Variants in MRTFB observed in about 807,000 individuals in gnomAD.
The protein encoded by MRTFB is myocardin related transcription factor B.
Under a neutral mutation model 104.2 loss-of-function variants are expected in MRTFB, and 29 were observed. That is an observed-to-expected ratio of 0.28 (90% CI 0.21 to 0.38). The LOEUF (loss-of-function observed/expected upper bound fraction) is 0.38, where lower values mean the gene tolerates loss of function less well. Among genes scored for constraint, MRTFB ranks in the 10% least tolerant of loss-of-function variants. The pLI is 1.00. For missense variants in MRTFB, 1,270 were observed against 1,341.6 expected (o/e 0.95, Z 0.83); for synonymous variants, 535 against 519.5 (o/e 1.03, Z -0.41).
intron 3 of MRTFB, among the ~76,000 whole-genome samples, chr16:14,163,929 A>C (rs1443194508): frequency 6.6e-6 from 1 of 152,020 alleles, no homozygotes; most frequent in Non-Finnish European, 1.5e-5. Flanking sequence ...TTTTTGATAC[A>C]TAATACTTGT....
chr16:14,033,339 A>G, the MRTFB span, among the ~76,000 whole-genome samples: 10 of 151,630 alleles, frequency 6.6e-5, no homozygotes, highest in Non-Finnish European at 1.5e-4. Flanking sequence ...AGAAGCCAGG[A>G]GTTCAAGACC....
intron 2 of MRTFB, among the ~76,000 whole-genome samples, chr16:14,123,710 C>T (rs1325184031): frequency 1.3e-5 from 2 of 152,092 alleles, no homozygotes; most frequent in East Asian, 3.8e-4. Flanking sequence ...GTGATGCCTC[C>T]AGCTTTGTTC....
intron 2 of MRTFB, among the ~76,000 whole-genome samples, chr16:14,084,187 A>G (rs910053801): frequency 4.6e-5 from 7 of 152,308 alleles, no homozygotes; most frequent in African/African-American, 1.4e-4. Context: ...AAATACTGAA[A>G]GTTTTCCTCC....
chr16:14,224,032 TAC>T (rs919721421), intron 8 of MRTFB, among the ~76,000 whole-genome samples: 2 of 152,142 alleles, frequency 1.3e-5, no homozygotes, highest in African/African-American at 4.8e-5. Flanking sequence ...TCATGAAACT[TAC>T]AGTCACAGTA....
At chr16:14,214,806 T>C (rs226790) in intron 6 of MRTFB, 143,585 of 152,296 alleles carry the variant, frequency 0.94, 67,762 homozygotes, top group East Asian at 0.99. Flanking sequence ...GTGGTCTCTA[T>C]GACCCCAAGT....
chr16:14,114,773 G>A (rs934426600), intron 2 of MRTFB, among the ~76,000 whole-genome samples: 1 of 152,164 alleles, frequency 6.6e-6, no homozygotes, highest in African/African-American at 2.4e-5. Flanking sequence ...CCCCGCTGCT[G>A]TGTATTGTCA....
the MRTFB span, among the ~76,000 whole-genome samples, chr16:14,017,570 G>A: frequency 8.0e-6 from 1 of 125,042 alleles, no homozygotes; most frequent in Non-Finnish European, 1.6e-5. Context: ...CCCTTGCAAC[G>A]AAAAGAGAAC....
intron 3 of MRTFB, among the ~76,000 whole-genome samples, chr16:14,144,981 CATATATATATATATGTAT>C (rs1473689103): frequency 1.5e-4 from 16 of 104,374 alleles, no homozygotes; most frequent in African/African-American, 7.7e-4. Context: ...TATATACATA[CATATATATATATATGTAT>C]ATATATATAT....
chr16:14,112,892 G>A (rs12596849), intron 2 of MRTFB, among the ~76,000 whole-genome samples: 27,205 of 152,102 alleles, frequency 0.18, 3,009 homozygotes, highest in South Asian at 0.35. Context: ...CACTCTTCCT[G>A]CCAAGCAGTT....
intron 2 of MRTFB, among the ~76,000 whole-genome samples, chr16:14,136,970 G>T (rs1222109150): frequency 2.0e-5 from 3 of 152,140 alleles, no homozygotes; most frequent in African/African-American, 7.2e-5. Context: ...CATGCTGTCA[G>T]TTCTAGACAA....
intron 3 of MRTFB, chr16:14,140,997 T>C (rs2037969887): frequency 2.3e-6 from 1 of 438,188 alleles, no homozygotes; most frequent in Non-Finnish European, 4.1e-6. Context: ...GAAATAATCT[T>C]TAGATTCAGC....
At chr16:14,131,924 C>G (rs761220141) in intron 2 of MRTFB, among the ~76,000 whole-genome samples, 1 of 152,110 alleles carries the variant, frequency 6.6e-6, no homozygotes, top group Non-Finnish European at 1.5e-5. Flanking sequence ...CAATTCCACT[C>G]TTATGTGTAT....
intron 3 of MRTFB, among the ~76,000 whole-genome samples, chr16:14,167,510 A>G (rs1281849283): frequency 1.3e-5 from 2 of 152,120 alleles, no homozygotes. Context: ...TAGTTTAATT[A>G]GATCCCATTT....
chr16:14,077,330 A>G lies in MRTFB; in HGVS notation c.-128-1960A>G, dbSNP rs74509126. ...TCCTTTTTCCATGTGGCCACCAGTT[A>G]TCTTTACCGATTTGTTTCAGTTTTC... is the stretch of plus-strand genomic sequence containing the variant. On this transcript the variant is annotated intron_variant, in intron 1 of 16. Coordinates refer to ENST00000571589, the MANE Select transcript of MRTFB (RefSeq NM_001308142.2). Among the ~76,000 whole-genome samples the G allele has an allele frequency of 3.6e-3, 544 of 152,256 alleles. 1 individual carries two copies. The highest frequency in any genetic ancestry group is 0.013 in the African/African-American group (520 of 41,542).
At chr16:14,239,425 A>G (rs1345489539) in intron 9 of MRTFB, among the ~76,000 whole-genome samples, 1 of 152,250 alleles carries the variant, frequency 6.6e-6, no homozygotes, top group Non-Finnish European at 1.5e-5. Flanking sequence ...GATCATATCA[A>G]TAGCTCCATT....
intron 10 of MRTFB, among the ~76,000 whole-genome samples, chr16:14,242,885 G>A (rs1054403551): frequency 6.6e-6 from 1 of 152,062 alleles, no homozygotes; most frequent in Admixed American, 6.5e-5. Context: ...AACATCCTGA[G>A]TAGAATAATT....
At chr16:14,047,090 A>C in the MRTFB span, among the ~76,000 whole-genome samples, 1 of 152,266 alleles carries the variant, frequency 6.6e-6, no homozygotes, top group East Asian at 1.9e-4. Flanking sequence ...TGCACAGAGA[A>C]TACTAAAGGG....
chr16:14,217,300 A>C lies in MRTFB; in HGVS notation c.514+13A>C, dbSNP rs1255857154. On this transcript the variant is annotated intron_variant, in intron 7 of 16. Transcript: ENST00000571589. ...GAAGCAATTATAGGCAAGACTCTAA[A>C]AATTTACTATTTGGGGTGAGAAAGA... 8 of 1,578,466 alleles carry C rather than the reference A, an allele frequency of 5.1e-6. No individual in the cohort carries two copies. Among genetic ancestry groups the C allele is most frequent in the Non-Finnish European group, 6.0e-6 (7 of 1,166,472 alleles).
chr16:14,100,051 G>A (rs2035616225), intron 2 of MRTFB, among the ~76,000 whole-genome samples: 1 of 152,156 alleles, frequency 6.6e-6, no homozygotes, highest in Admixed American at 6.6e-5. Context: ...AACGAAGACA[G>A]TTTTACTTCT....
Sources: allele counts gnomAD v4.1 joint callset (sites outside exome capture counted in the v4.1 genomes callset), GRCh38; gene constraint gnomAD v4.1.1; transcripts MANE v1.5; gene names NCBI Gene and HGNC (gene_info 2026-07-23, HGNC 2026-07-21).